Variants in AP1M1 observed in about 807,000 individuals in gnomAD.
The protein encoded by AP1M1 is adaptor related protein complex 1 subunit mu 1.
Under a neutral mutation model 57.1 loss-of-function variants are expected in AP1M1, and 18 were observed. The observed-to-expected ratio is 0.32, with a 90% CI of 0.22 to 0.47. The LOEUF (loss-of-function observed/expected upper bound fraction) is 0.47. Among genes scored for constraint, AP1M1 ranks in the 20% least tolerant of loss-of-function variants. AP1M1 has a pLI of 1.00. For missense variants in AP1M1, 362 were observed against 593.5 expected, an observed-to-expected ratio of 0.61 and a Z score of 4.05; for synonymous variants, 241 against 237.9, an observed-to-expected ratio of 1.01 and a Z score of -0.12.
chr19:16,218,984 CTAGGATGTTAGCTG>C (rs2091530608), intron 5 of AP1M1, among the ~76,000 whole-genome samples: 1 of 151,946 alleles, frequency 6.6e-6, no homozygotes, highest in African/African-American at 2.4e-5. Context: ...TTGCCACCAA[CTAGGATGTTAGCTG>C]TAGGTTTATT....
chr19:16,223,684 G>A (rs2091556083), intron 5 of AP1M1, among the ~76,000 whole-genome samples: 1 of 152,228 alleles, frequency 6.6e-6, no homozygotes, highest in African/African-American at 2.4e-5. Flanking sequence ...GCTCTGTGGT[G>A]CACACTTCTG....
At chr19:16,226,305 G>A in intron 5 of AP1M1, 116 bp from the exon 6 acceptor site, 1 of 1,385,038 alleles carries the variant, frequency 7.2e-7, no homozygotes, top group East Asian at 2.5e-5. Flanking sequence ...GAGAGGGATG[G>A]GCTTGGAGGT....
rs373507031 is a variant in AP1M1, at chr19:16,197,943, C to A, written c.-84C>A. 7 of 1,297,104 alleles carry A rather than the reference C, an allele frequency of 5.4e-6. No homozygotes were observed. The highest frequency in any genetic ancestry group is 6.2e-6 in the Non-Finnish European group (6 of 962,772). 80.3% of individuals were successfully genotyped at this position (1,297,104 alleles called of 1,614,324 possible). ...GAGGTGAGCTGTCGCGGGCGGCGCC[C>A]GGCCTTGCTCAACGCCCAGCAGTCC... On this transcript the variant is annotated 5_prime_UTR_variant, in exon 1 of 12. Transcript: ENST00000291439.
intron 9 of AP1M1, among the ~76,000 whole-genome samples, chr19:16,232,711 C>G (rs2091604269): frequency 6.6e-6 from 1 of 152,222 alleles, no homozygotes; most frequent in South Asian, 2.1e-4. Flanking sequence ...CAGAAACAGC[C>G]CTAGGCGGCA....
chr19:16,223,551 G>A (rs1325643693), intron 5 of AP1M1, among the ~76,000 whole-genome samples: 3 of 152,210 alleles, frequency 2.0e-5, no homozygotes, highest in African/African-American at 7.2e-5. Context: ...ACAGTAGCTG[G>A]CACCACAGGG....
chr19:16,197,987 C>T lies in AP1M1; in HGVS notation c.-40C>T. On this transcript the variant is annotated 5_prime_UTR_variant, in exon 1 of 12. Transcript: ENST00000291439. ...GCAGTCCCCACCGTCGCTGCCGCCG[C>T]CACCGCCCTCGGCCGCTGCCGAGGC... The T allele has an allele frequency of 6.5e-7, 1 of 1,542,904 alleles. No individual in the cohort carries two copies.
intron 5 of AP1M1, among the ~76,000 whole-genome samples, chr19:16,212,123 T>C (rs369947464): frequency 7.2e-5 from 11 of 152,260 alleles, no homozygotes; most frequent in African/African-American, 2.6e-4. Context: ...ATAGAATGAG[T>C]AGGGGAGGAG....
At chr19:16,219,398 G>GTT (rs71178659) in intron 5 of AP1M1, among the ~76,000 whole-genome samples, 4 of 21,510 alleles carry the variant, frequency 1.9e-4, no homozygotes, top group Non-Finnish European at 5.0e-4. Flanking sequence ...TTGTTTTTTT[G>GTT]TTTTTTTTTT....
chr19:16,218,830 C>T (rs958146549), intron 5 of AP1M1, among the ~76,000 whole-genome samples: 4 of 152,182 alleles, frequency 2.6e-5, no homozygotes, highest in East Asian at 1.9e-4. Context: ...GGAACCTCCA[C>T]GTGTTCAGCT....
chr19:16,206,366 G>C lies in AP1M1; in HGVS notation c.225G>C (p.Ala75=), dbSNP rs557270397. ...LYLVATSKKN[A]CVSLVFSFLY... ...TGGTTGCCACATCCAAGAAGAACGC[G>C]TGCGTGTCGCTGGTCTTTTCTTTCC... Residue 75 remains alanine (A), a synonymous_variant, in exon 3 of 12, where the codon GCG becomes GCC. Coordinates refer to ENST00000291439, the MANE Select transcript of AP1M1 (RefSeq NM_032493.4). This position sits in a 1 kb window ranked among gnomAD's most constrained non-coding sequence, Gnocchi z 4.3. The C allele has an allele frequency of 6.2e-7, 1 of 1,614,058 alleles. No individual in the cohort carries two copies. The highest frequency in any genetic ancestry group is 8.5e-7 in the Non-Finnish European group (1 of 1,180,036).
chr19:16,224,952 C>T (rs1489845604), intron 5 of AP1M1, among the ~76,000 whole-genome samples: 1 of 151,174 alleles, frequency 6.6e-6, no homozygotes, highest in Non-Finnish European at 1.5e-5. Context: ...CCCCACGTGG[C>T]TTCCCCCAGC....
Position 16,234,857 on chromosome 19 carries a change from GA to G in AP1M1, c.*424del, listed in dbSNP as rs1157970987. ...GGCGTCGTTTTGTTGCCATTTTGTT[GA>G]ACGTTATGGGTTTATGGGTGTTCCT... On this transcript the variant is annotated 3_prime_UTR_variant, in exon 12 of 12. Transcript: ENST00000291439. 3.3e-6 allele frequency: 1 copy of G among 301,462 alleles called. No homozygotes were observed. Among genetic ancestry groups the G allele is most frequent in the African/African-American group, 2.1e-5 (1 of 46,828 alleles). 18.7% of individuals were successfully genotyped at this position (301,462 alleles called of 1,614,324 possible). A position where few individuals can be genotyped will look rare whatever the true frequency, so the allele number is the denominator to read the frequency against.
chr19:16,234,032 C>T, intron 10 of AP1M1, 167 bp from the exon 11 acceptor site: 2 of 669,668 alleles, frequency 3.0e-6, no homozygotes, highest in Non-Finnish European at 4.9e-6. Context: ...TGCCCTCCCA[C>T]ACATTTGCAT....
chr19:16,211,804 A>G (rs531199748), intron 5 of AP1M1, among the ~76,000 whole-genome samples: 1 of 152,158 alleles, frequency 6.6e-6, no homozygotes, highest in East Asian at 1.9e-4. Context: ...AGTTTTTAAC[A>G]TGAAGAGATG....
At position 16,235,317 on chromosome 19, in the gene AP1M1, T is replaced by G. The variant is rs559396532; in HGVS notation, c.*882T>G. On this transcript the variant is annotated 3_prime_UTR_variant, in exon 12 of 12. Coordinates refer to ENST00000291439, the MANE Select transcript of AP1M1 (RefSeq NM_032493.4). ...CACCCTGTGTGTGTTTATGTCATAG[T>G]TACATTAAATTCCATTCATTGAATA... is the stretch of plus-strand genomic sequence containing the variant. 1 of 152,372 alleles carries G rather than the reference T, an allele frequency of 6.6e-6. No homozygotes were observed. Among genetic ancestry groups the G allele is most frequent in the East Asian group, 1.9e-4 (1 of 5,186 alleles). 9.4% of individuals were successfully genotyped at this position (152,372 alleles called of 1,614,324 possible). A position where few individuals can be genotyped will look rare whatever the true frequency, so the allele number is the denominator to read the frequency against.
chr19:16,225,583 A>G (rs926535354), intron 5 of AP1M1, among the ~76,000 whole-genome samples: 1 of 152,126 alleles, frequency 6.6e-6, no homozygotes, highest in African/African-American at 2.4e-5. Flanking sequence ...TTTCAGTTGC[A>G]CTTTCAGATG....
chr19:16,212,756 A>G (rs2091500967), intron 5 of AP1M1, among the ~76,000 whole-genome samples: 1 of 152,170 alleles, frequency 6.6e-6, no homozygotes, highest in Admixed American at 6.5e-5. Flanking sequence ...TTCTCTTAAC[A>G]CTGCCCTAGC....
In AP1M1 at chr19:16,236,775, G is replaced by A. The variant is rs764316836; in HGVS notation, c.*2340G>A. The A allele has an allele frequency of 2.6e-5, 4 of 152,172 alleles. No homozygotes were observed. The highest frequency in any genetic ancestry group is 4.4e-5 in the Non-Finnish European group (3 of 68,050). The allele number at this position is 152,172 out of a possible 1,614,324, so 9.4% of individuals were successfully genotyped here. On this transcript the variant is annotated 3_prime_UTR_variant, in exon 12 of 12. Coordinates refer to ENST00000291439, the MANE Select transcript of AP1M1 (RefSeq NM_032493.4). ...TTATGACAGAAAACCTCCCTGGAGG[G>A]ACCTAACTTCATGCCTTGTTACCTA...
intron 6 of AP1M1, 34 bp downstream of exon 6, chr19:16,226,581 G>A: frequency 6.4e-7 from 1 of 1,555,818 alleles, no homozygotes; most frequent in Non-Finnish European, 8.7e-7. Context: ...TGCCCATGAG[G>A]ATGGCCTCAC....
Sources: allele counts gnomAD v4.1 joint callset (sites outside exome capture counted in the v4.1 genomes callset), GRCh38; gene constraint gnomAD v4.1.1; non-coding constraint Gnocchi (gnomAD v3.1); transcripts MANE v1.5; gene names NCBI Gene and HGNC (gene_info 2026-07-23, HGNC 2026-07-21).